Variants in KMT2C observed in about 807,000 individuals in gnomAD.
KMT2C encodes histone-lysine N-methyltransferase 2C.
A neutral mutation model predicts 507.9 loss-of-function variants in KMT2C; 88 were observed. The ratio of observed to expected loss-of-function variants is 0.17; its 90% CI spans 0.15 to 0.21. The LOEUF is 0.21. Ranked by LOEUF, KMT2C falls within the 10% of genes least tolerant of loss-of-function variation. KMT2C has a pLI of 1.00. For missense variants in KMT2C, 4,954 were observed against 5,957.8 expected (o/e 0.83, Z 5.55); for synonymous variants, 2,049 against 2,080.8 (o/e 0.98, Z 0.42).
At chr7:152,188,915 T>A (rs2093708152) in intron 31 of KMT2C, among the ~76,000 whole-genome samples, 1 of 152,160 alleles carries the variant, frequency 6.6e-6, no homozygotes, top group African/African-American at 2.4e-5. Context: ...ACCCCACCTA[T>A]GATTCTTAAA....
At chr7:152,371,568 C>G (rs2097293611) in intron 1 of KMT2C, among the ~76,000 whole-genome samples, 1 of 151,892 alleles carries the variant, frequency 6.6e-6, no homozygotes, top group African/African-American at 2.4e-5. Flanking sequence ...ATTTAATACT[C>G]CAGAAGACAC....
rs987209809 is a variant in KMT2C at position 152,358,673 on chromosome 7, G to T, written c.164C>A (p.Pro55His). 1 of 1,583,110 alleles carries T rather than the reference G, an allele frequency of 6.3e-7. No individual in the cohort carries two copies. Among genetic ancestry groups the T allele is most frequent in the Non-Finnish European group, 8.6e-7 (1 of 1,162,702 alleles). Residue 55 changes from proline to histidine, a missense_variant and splice_region_variant, in exon 2 of 59, where the codon CCT (proline) becomes CAT (histidine). Physicochemically the swap from Pro to His is moderately conservative, Grantham distance 77. Around this residue, in one of 29 missense-constraint regions of KMT2C, gnomAD observed 233 missense variants for 263.6 expected, o/e 0.88. Coordinates refer to ENST00000262189, the MANE Select transcript of KMT2C (RefSeq NM_170606.3). ...ASPFQRARKK[P>H]RSRGKTAVED... ...CACTGCAGTTTTCCCCCTACTTCGA[G>T]GTCTACAGAAAAAAAAAAAAATAAT...
chr7:152,232,888 G>A (rs1231861151), intron 16 of KMT2C, among the ~76,000 whole-genome samples: 4 of 152,012 alleles, frequency 2.6e-5, no homozygotes, highest in Non-Finnish European at 2.9e-5. Flanking sequence ...TAGAGATAAA[G>A]TATCTATTTC....
At chr7:152,270,280 G>A (rs2095938394) in intron 7 of KMT2C, among the ~76,000 whole-genome samples, 1 of 152,132 alleles carries the variant, frequency 6.6e-6, no homozygotes, top group African/African-American at 2.4e-5. Context: ...AAAGCAACAG[G>A]ACTTAATGTC....
chr7:152,352,609 C>A (rs578251143), intron 2 of KMT2C, among the ~76,000 whole-genome samples: 1 of 152,096 alleles, frequency 6.6e-6, no homozygotes, highest in African/African-American at 2.4e-5. Flanking sequence ...TCAAACCAGC[C>A]GAAGCTTAGG....
chr7:152,323,119 G>T (rs1322275917), intron 3 of KMT2C, among the ~76,000 whole-genome samples: 3 of 151,836 alleles, frequency 2.0e-5, no homozygotes, highest in Admixed American at 1.3e-4. Context: ...TGGTAAAGAG[G>T]TTCCTCAAAA....
chr7:152,139,664 C>G lies in KMT2C; in HGVS notation c.14460+11G>C, dbSNP rs769641335. 4.5e-6 allele frequency: 7 copies of G among 1,567,434 alleles called. No homozygotes were observed. Among genetic ancestry groups the G allele is most frequent in the Non-Finnish European group, 6.2e-6 (7 of 1,137,532 alleles). On this transcript the variant is annotated intron_variant, in intron 56 of 58. Transcript: ENST00000262189. ...GTGCTGTGTATACAATCTCGGGGAC[C>G]AGACACCTACCTGAGACTCATAAAG...
intron 6 of KMT2C, among the ~76,000 whole-genome samples, chr7:152,306,610 G>A (rs978562039): frequency 2.0e-5 from 3 of 152,106 alleles, no homozygotes; most frequent in African/African-American, 7.2e-5. Context: ...ATTGTTAGAG[G>A]CATATTCAGC....
chr7:152,357,711 G>C (rs184928129), intron 2 of KMT2C, among the ~76,000 whole-genome samples: 12 of 152,192 alleles, frequency 7.9e-5, no homozygotes, highest in Admixed American at 2.6e-4. Context: ...GAGCTTCCAA[G>C]AGTAATACTC....
intron 1 of KMT2C, among the ~76,000 whole-genome samples, chr7:152,399,003 G>T (rs866987378): frequency 6.6e-6 from 1 of 151,644 alleles, no homozygotes; most frequent in Non-Finnish European, 1.5e-5. Context: ...ATTTTTGTGG[G>T]ATTTTTTTAG....
At chr7:152,391,217 GTTTT>G (rs1241834621) in intron 1 of KMT2C, among the ~76,000 whole-genome samples, 1 of 147,136 alleles carries the variant, frequency 6.8e-6, no homozygotes, top group Non-Finnish European at 1.5e-5. Flanking sequence ...TTTTTCCTAG[GTTTT>G]TTGTCGTTGT....
At chr7:152,249,064 T>A (rs2129164868) in intron 13 of KMT2C, among the ~76,000 whole-genome samples, 1 of 152,314 alleles carries the variant, frequency 6.6e-6, no homozygotes, top group East Asian at 1.9e-4. Flanking sequence ...CAATATTTAT[T>A]TTGCTTAACC....
chr7:152,335,917 T>G (rs191347903), intron 2 of KMT2C, among the ~76,000 whole-genome samples: 4,818 of 106,736 alleles, frequency 0.045, 102 homozygotes, highest in Middle Eastern at 0.11. Context: ...GGTTTTTTTG[T>G]TTTTTTTTTG....
chr7:152,318,129 C>T (rs2096738561), intron 3 of KMT2C, among the ~76,000 whole-genome samples: 1 of 152,036 alleles, frequency 6.6e-6, no homozygotes, highest in African/African-American at 2.4e-5. Context: ...CAGAGCAAGA[C>T]TCCACCTCAA....
At chr7:152,417,901 CAA>C (rs1210022218) in intron 1 of KMT2C, among the ~76,000 whole-genome samples, 1 of 150,120 alleles carries the variant, frequency 6.7e-6, no homozygotes, top group African/African-American at 2.5e-5. Flanking sequence ...CTCGGCCTCC[CAA>C]AGTGCTGGGA....
At chr7:152,351,809 C>T (rs542222273) in intron 2 of KMT2C, among the ~76,000 whole-genome samples, 2 of 140,374 alleles carry the variant, frequency 1.4e-5, no homozygotes, top group South Asian at 2.5e-4. Flanking sequence ...CCTGTCTTTA[C>T]TTTAATCTCT....
chr7:152,345,630 T>C (rs763561320), intron 2 of KMT2C, among the ~76,000 whole-genome samples: 2 of 152,142 alleles, frequency 1.3e-5, no homozygotes, highest in Non-Finnish European at 2.9e-5. Context: ...ATTCAAGTGA[T>C]TTTTGTGCCT....
At chr7:152,276,761 C>CA (rs200452834) in intron 6 of KMT2C, among the ~76,000 whole-genome samples, 4,312 of 129,120 alleles carry the variant, frequency 0.033, 132 homozygotes, top group Admixed American at 0.074. Context: ...CTATAAAATT[C>CA]AAAAAAAAAA....
At chr7:152,293,219 A>C (rs2096454418) in intron 6 of KMT2C, among the ~76,000 whole-genome samples, 1 of 152,204 alleles carries the variant, frequency 6.6e-6, no homozygotes, top group African/African-American at 2.4e-5. Context: ...TGGAGGAAAA[A>C]GATGTTTCAA....
Sources: gnomAD v4.1 joint callset for allele counts (sites outside exome capture counted in the v4.1 genomes callset) on GRCh38, gnomAD v4.1.1 for gene constraint, gnomAD v4.1.1 regional missense constraint, MANE v1.5 for transcripts, NCBI Gene and HGNC (gene_info 2026-07-23, HGNC 2026-07-21) for gene names.